Variants in NLGN1 observed in about 807,000 individuals in gnomAD.
NLGN1 encodes neuroligin-1.
NLGN1 carries 12 observed loss-of-function variants against 65.5 expected under a neutral mutation model. The ratio of observed to expected loss-of-function variants is 0.18; its 90% CI spans 0.12 to 0.30. The LOEUF (loss-of-function observed/expected upper bound fraction) is 0.30. Among genes scored for constraint, NLGN1 ranks in the 10% least tolerant of loss-of-function variants. NLGN1 has a pLI of 1.00. For missense variants in NLGN1, 750 were observed against 1,007.1 expected, an observed-to-expected ratio of 0.74 and a Z score of 3.46; for synonymous variants, 350 against 359.5, an observed-to-expected ratio of 0.97 and a Z score of 0.30.
At chr3:173,962,240 A>G (rs914265316) in intron 4 of NLGN1, among the ~76,000 whole-genome samples, 5 of 152,100 alleles carry the variant, frequency 3.3e-5, no homozygotes, top group African/African-American at 9.6e-5. Flanking sequence ...CTTAGCCTGC[A>G]TATTAGGTGA....
intron 4 of NLGN1, among the ~76,000 whole-genome samples, chr3:173,997,013 T>C (rs1313731120): frequency 6.6e-6 from 1 of 151,970 alleles, no homozygotes; most frequent in East Asian, 1.9e-4. Context: ...TATTAGTGAG[T>C]GAGTAAATCA....
At chr3:173,710,569 C>G (rs1768790200) in intron 3 of NLGN1, among the ~76,000 whole-genome samples, 1 of 152,144 alleles carries the variant, frequency 6.6e-6, no homozygotes, top group Admixed American at 6.5e-5. Context: ...CTTGGTAAGT[C>G]TATGCCTGCA....
intron 4 of NLGN1, among the ~76,000 whole-genome samples, chr3:174,157,978 T>C (rs1466141826): frequency 6.6e-6 from 1 of 151,820 alleles, no homozygotes; most frequent in Admixed American, 6.6e-5. Flanking sequence ...TATTTTCTTC[T>C]GCCTTAAGTA....
At chr3:173,672,315 A>G (rs1260130374) in intron 3 of NLGN1, among the ~76,000 whole-genome samples, 2 of 152,138 alleles carry the variant, frequency 1.3e-5, no homozygotes, top group South Asian at 4.1e-4. Context: ...AATACAGAAA[A>G]TTTTTCAGAT....
chr3:173,770,930 C>T (rs908908803), intron 3 of NLGN1, among the ~76,000 whole-genome samples: 2 of 152,124 alleles, frequency 1.3e-5, no homozygotes, highest in Non-Finnish European at 2.9e-5. Flanking sequence ...AATAACATAG[C>T]CTTTCAAAAC....
chr3:174,178,676 G>T (rs1365520784), intron 4 of NLGN1, among the ~76,000 whole-genome samples: 2 of 151,960 alleles, frequency 1.3e-5, no homozygotes, highest in Non-Finnish European at 1.5e-5. Flanking sequence ...TATCAAAGAT[G>T]ATTTATTTCT....
At chr3:174,124,470 T>C (rs12485936) in intron 4 of NLGN1, among the ~76,000 whole-genome samples, 42,316 of 149,492 alleles carry the variant, frequency 0.28, 8,181 homozygotes, top group African/African-American at 0.56. Context: ...AACAAATATA[T>C]TATAGATTAT....
intron 4 of NLGN1, among the ~76,000 whole-genome samples, chr3:173,979,379 T>C (rs7620864): frequency 0.02 from 3,054 of 152,192 alleles, 98 homozygotes; most frequent in African/African-American, 0.07. Context: ...TAAAATGAAG[T>C]ATTAATAAGT....
chr3:174,066,564 C>CTCTCTGTG lies in NLGN1; in HGVS notation c.647-208750_647-208749insCTCTGTGT, dbSNP rs1553925385. ...TCTCTCTCTCTCTCTCTCTCTCTCTCTGTGTGTGTGTGTGTGTGTGTGTGT... is the reference window on the plus strand; with the variant it reads ...TCTCTCTCTCTCTCTCTCTCTCTCTCTCTCTGTGTGTGTGTGTGTGTGTGTGTGTGTGT... On this transcript the variant is annotated intron_variant, in intron 4 of 6. Transcript: ENST00000457714. 2.6e-3 allele frequency among the ~76,000 whole-genome samples: 256 copies of CTCTCTGTG among 100,012 alleles called. 2 individuals are homozygous for CTCTCTGTG. Among genetic ancestry groups the CTCTCTGTG allele is most frequent in the East Asian group, 0.014 (40 of 2,884 alleles). 65.6% of individuals were successfully genotyped at this position (100,012 alleles called of 152,430 possible).
rs371401153 is a variant in NLGN1, at chr3:173,507,709, C to G, written c.-321+72631C>G. Reference sequence around the variant, plus strand: ...TGTGTGTGTACATATATATTCCTGCCTACATTCTAAAAATGATTTAATCGT... The same window carrying G: ...TGTGTGTGTACATATATATTCCTGCGTACATTCTAAAAATGATTTAATCGT... On this transcript the variant is annotated intron_variant, in intron 2 of 6. Transcript: ENST00000457714. Among the ~76,000 whole-genome samples the G allele has an allele frequency of 1.4e-4, 22 of 151,906 alleles. 1 individual carries two copies. The highest frequency in any genetic ancestry group is 5.1e-4 in the African/African-American group (21 of 41,450).
chr3:174,068,687 A>G lies in NLGN1; in HGVS notation c.647-206628A>G, dbSNP rs76368345. ...AATATGGATTTAGAGAATGTTGATG[A>G]CCTCAAAAAGAAGTTATATTTGATA... On this transcript the variant is annotated intron_variant, in intron 4 of 6. Coordinates refer to ENST00000457714, the Ensembl canonical transcript of NLGN1. Among the ~76,000 whole-genome samples the G allele has an allele frequency of 4.5e-3, 688 of 152,250 alleles. 4 individuals are homozygous for G. Among genetic ancestry groups the G allele is most frequent in the African/African-American group, 0.016 (661 of 41,548 alleles).
chr3:174,112,440 A>C (rs1715440999), intron 4 of NLGN1, among the ~76,000 whole-genome samples: 1 of 151,954 alleles, frequency 6.6e-6, no homozygotes, highest in Non-Finnish European at 1.5e-5. Flanking sequence ...AAGAAAAAAA[A>C]TGTGAGAGAA....
chr3:173,535,142 A>G (rs1022783321), intron 2 of NLGN1, among the ~76,000 whole-genome samples: 5 of 152,196 alleles, frequency 3.3e-5, no homozygotes, highest in African/African-American at 1.2e-4. Flanking sequence ...AAAAAAACAG[A>G]TATTTCAGGC....
chr3:173,911,672 A>G (rs1739622531), intron 4 of NLGN1, among the ~76,000 whole-genome samples: 4 of 152,132 alleles, frequency 2.6e-5, no homozygotes. Flanking sequence ...GTTTCTGTTG[A>G]CTGGCTCTAA....
intron 3 of NLGN1, among the ~76,000 whole-genome samples, chr3:173,770,001 G>T (rs1779350720): frequency 6.6e-6 from 1 of 152,226 alleles, no homozygotes; most frequent in East Asian, 1.9e-4. Flanking sequence ...ATTAATGGAG[G>T]CCCCTAAGCT....
At chr3:173,486,651 T>G (rs921251132) in intron 2 of NLGN1, among the ~76,000 whole-genome samples, 1 of 152,166 alleles carries the variant, frequency 6.6e-6, no homozygotes, top group African/African-American at 2.4e-5. Context: ...ATTATTTAGC[T>G]CAAGGAAATG....
At chr3:174,227,496 C>T (rs929836583) in intron 4 of NLGN1, among the ~76,000 whole-genome samples, 3 of 151,920 alleles carry the variant, frequency 2.0e-5, no homozygotes, top group African/African-American at 7.2e-5. Flanking sequence ...TCCTTAGTAC[C>T]CAAATAGCCA....
Position 174,280,200 on chromosome 3 carries a change from TGTGA to T in NLGN1, c.1650-278_1650-275del, listed in dbSNP as rs1751304722. ...TTGCCTATGAGACAACTCATACGTA[TGTGA>T]GTATTTAAATAATTCTTTAAAATCT... On this transcript the variant is annotated intron_variant, in intron 6 of 6. Transcript: ENST00000457714. This position sits in a 1 kb window ranked among gnomAD's most constrained non-coding sequence, Gnocchi z 4.9. Among the ~76,000 whole-genome samples the T allele has an allele frequency of 6.6e-6, 1 of 151,998 alleles. No individual in the cohort carries two copies. The highest frequency in any genetic ancestry group is 1.5e-5 in the Non-Finnish European group (1 of 67,932).
At chr3:174,017,422 A>T (rs1010249274) in intron 4 of NLGN1, among the ~76,000 whole-genome samples, 1 of 152,136 alleles carries the variant, frequency 6.6e-6, no homozygotes. Context: ...TTTTCTAATG[A>T]ATCCAGAGCC....
Sources: allele counts gnomAD v4.1 joint callset (sites outside exome capture counted in the v4.1 genomes callset), GRCh38; gene constraint gnomAD v4.1.1; non-coding constraint Gnocchi (gnomAD v3.1); transcripts MANE v1.5; gene names NCBI Gene and HGNC (gene_info 2026-07-23, HGNC 2026-07-21).